CROT: variants seen among roughly 807,000 people sequenced by gnomAD.
CROT encodes the protein carnitine O-octanoyltransferase.
Under a neutral mutation model 89.2 loss-of-function variants are expected in CROT, and 84 were observed. The ratio of observed to expected loss-of-function variants is 0.94; its 90% CI spans 0.79 to 1.13. The LOEUF (loss-of-function observed/expected upper bound fraction) is 1.13. Among genes scored for constraint, CROT ranks in the 50% most tolerant of loss-of-function variants. The pLI is 0.00. For missense variants in CROT, 711 were observed against 727.8 expected, an observed-to-expected ratio of 0.98 and a Z score of 0.27; for synonymous variants, 212 against 239.5, an observed-to-expected ratio of 0.89 and a Z score of 1.06.
Position 87,375,649 on chromosome 7 carries a change from A to G in CROT, c.674A>G (p.His225Arg). 6.2e-7 allele frequency: 1 copy of G among 1,613,062 alleles called. No homozygotes were observed. Among genetic ancestry groups the G allele is most frequent in the Non-Finnish European group, 8.5e-7 (1 of 1,179,184 alleles). Residue 225 changes from histidine to arginine, a missense_variant, in exon 8 of 18, where the codon CAC (histidine) becomes CGC (arginine). His to Arg is a conservative substitution (Grantham distance 29). Coordinates refer to ENST00000331536, the MANE Select transcript of CROT (RefSeq NM_021151.4). The stretch of plus-strand genomic sequence containing the variant: ...TCCATAAGACAACTGACATATATCC[A>G]CAAGAAGTGCCATAGTGAACCTGAT... ...PELLRQLTYI[H>R]KKCHSEPDGP...
chr7:87,360,912 AAATTATCAC>A (rs1806246836), intron 4 of CROT, among the ~76,000 whole-genome samples: 1 of 152,218 alleles, frequency 6.6e-6, no homozygotes, highest in South Asian at 2.1e-4. Flanking sequence ...CGCTGAAAAG[AAATTATCAC>A]AATAACATTT....
intron 6 of CROT, among the ~76,000 whole-genome samples, chr7:87,362,169 C>T (rs910878672): frequency 1.9e-4 from 29 of 152,102 alleles, no homozygotes; most frequent in African/African-American, 6.0e-4. Context: ...GGATGCTTCT[C>T]TTTCTACCCT....
chr7:87,357,586 T>A, intron 3 of CROT: 1 of 1,168,574 alleles, frequency 8.6e-7, no homozygotes, highest in Non-Finnish European at 1.3e-6. Context: ...GGGAAGGAAT[T>A]CAAGGTGAGT....
chr7:87,352,573 A>G (rs1277520363), intron 3 of CROT, among the ~76,000 whole-genome samples: 2 of 152,178 alleles, frequency 1.3e-5, no homozygotes, highest in Non-Finnish European at 2.9e-5. Context: ...AAAATACAAC[A>G]TTTTGTTCAG....
Position 87,398,713 on chromosome 7 carries a change from T to C in CROT, c.*69T>C. 1 of 1,451,968 alleles carries C rather than the reference T, an allele frequency of 6.9e-7. No homozygotes were observed. Among genetic ancestry groups the C allele is most frequent in the Non-Finnish European group, 9.4e-7 (1 of 1,060,012 alleles). The allele number at this position is 1,451,968 out of a possible 1,614,324, so 89.9% of individuals were successfully genotyped here. ...CTGAGTGCTGGGAGTGAGTTGGTAA[T>C]ATGAGATGGGAAGGAATGTTGACTT... On this transcript the variant is annotated 3_prime_UTR_variant, in exon 18 of 18. Transcript: ENST00000331536.
Position 87,349,022 on chromosome 7 carries a change from G to A in CROT, c.-21-26G>A. The A allele has an allele frequency of 3.9e-6, 4 of 1,015,114 alleles. No individual in the cohort carries two copies. The South Asian group carries it at 5.8e-5, about 15-fold the overall frequency. 62.9% of individuals were successfully genotyped at this position (1,015,114 alleles called of 1,614,324 possible). A position where few individuals can be genotyped will look rare whatever the true frequency, so the allele number is the denominator to read the frequency against. ...TAACACTATCTATGAGATTGAAGTTGTGAGGGCTCTCTCTCTTTTCTTTAG... is the reference window on the plus strand; with the variant it reads ...TAACACTATCTATGAGATTGAAGTTATGAGGGCTCTCTCTCTTTTCTTTAG... On this transcript the variant is annotated intron_variant, in intron 2 of 17. Transcript: ENST00000331536.
chr7:87,359,357 A>G (rs1806204140), intron 4 of CROT, 27 bp downstream of exon 4: 2 of 1,568,574 alleles, frequency 1.3e-6, no homozygotes. Flanking sequence ...TTGAATAATG[A>G]TGATGTTTAA....
chr7:87,351,826 T>G (rs1385347273), intron 3 of CROT, among the ~76,000 whole-genome samples: 3 of 152,220 alleles, frequency 2.0e-5, no homozygotes, highest in Non-Finnish European at 4.4e-5. Context: ...TTTCCAAGTC[T>G]TTAATATGAC....
At chr7:87,372,659 G>A (rs1584634885) in intron 7 of CROT, among the ~76,000 whole-genome samples, 1 of 152,046 alleles carries the variant, frequency 6.6e-6, no homozygotes, top group Non-Finnish European at 1.5e-5. Context: ...CTCTATAAAT[G>A]TGCCTATTTT....
At chr7:87,390,261 G>C (rs1203317225) in intron 13 of CROT, among the ~76,000 whole-genome samples, 1 of 152,130 alleles carries the variant, frequency 6.6e-6, no homozygotes, top group African/African-American at 2.4e-5. Flanking sequence ...AAGATTAAGA[G>C]TGTGTTTACT....
Position 87,375,931 on chromosome 7 carries a change from T to C in CROT, c.854T>C (p.Val285Ala), listed in dbSNP as rs766970991. 6.2e-7 allele frequency: 1 copy of C among 1,611,264 alleles called. No homozygotes were observed. Among genetic ancestry groups the C allele is most frequent in the Non-Finnish European group, 8.5e-7 (1 of 1,178,806 alleles). Residue 285 changes from valine to alanine, a missense_variant, in exon 9 of 18, where the codon GTA becomes GCA. Val to Ala is a moderately conservative substitution (Grantham distance 64). Transcript: ENST00000331536. ...TCCATGGAGGATAGCAGTCCACATG[T>C]AACACCAGAGGATTATTCTGAGGTA... ...VYSMEDSSPH[V>A]TPEDYSEIIA...
chr7:87,365,641 T>A (rs1174358771), intron 6 of CROT, among the ~76,000 whole-genome samples: 1 of 148,186 alleles, frequency 6.7e-6, no homozygotes, highest in Non-Finnish European at 1.5e-5. Flanking sequence ...TTTTTTTTGG[T>A]CTGTCACCTA....
At chr7:87,359,094 A>C in intron 3 of CROT, 112 bp from the exon 4 acceptor site, 3 of 740,062 alleles carry the variant, frequency 4.1e-6, no homozygotes, top group East Asian at 2.6e-5. Flanking sequence ...GCTATTTAAT[A>C]CAGTACTGTG....
chr7:87,392,378 C>A (rs938933787), intron 14 of CROT, among the ~76,000 whole-genome samples, 188 bp from the exon 15 acceptor site: 10 of 152,056 alleles, frequency 6.6e-5, no homozygotes, highest in Admixed American at 5.2e-4. Flanking sequence ...AAATAAGAAG[C>A]AGGATATACA....
intron 3 of CROT, among the ~76,000 whole-genome samples, chr7:87,357,301 A>T (rs899362805): frequency 2.0e-5 from 3 of 152,116 alleles, no homozygotes; most frequent in African/African-American, 7.2e-5. Flanking sequence ...GGCTACTTTA[A>T]TTTTTATTAT....
intron 3 of CROT, among the ~76,000 whole-genome samples, chr7:87,355,830 G>C (rs138004350): frequency 6.6e-6 from 1 of 152,114 alleles, no homozygotes; most frequent in African/African-American, 2.4e-5. Flanking sequence ...ATATTGCAAA[G>C]TATATTGCAG....
chr7:87,382,367 C>G, intron 12 of CROT, 46 bp from the exon 13 acceptor site: 1 of 1,594,076 alleles, frequency 6.3e-7, no homozygotes, highest in African/African-American at 1.3e-5. Context: ...TTGGTGTATT[C>G]TCCTTAGGTG....
intron 4 of CROT, chr7:87,359,723 G>A (rs802026): frequency 0.11 from 116,119 of 1,013,456 alleles, 7,477 homozygotes; most frequent in African/African-American, 0.25. Flanking sequence ...AAATATTTTC[G>A]TAGTACAATG....
At chr7:87,355,421 T>A (rs1455868262) in intron 3 of CROT, among the ~76,000 whole-genome samples, 2 of 152,174 alleles carry the variant, frequency 1.3e-5, no homozygotes, top group Non-Finnish European at 2.9e-5. Flanking sequence ...TTTATATTCA[T>A]AACTTTCTTC....
Sources: allele counts gnomAD v4.1 joint callset (sites outside exome capture counted in the v4.1 genomes callset), GRCh38; gene constraint gnomAD v4.1.1; transcripts MANE v1.5; gene names NCBI Gene and HGNC (gene_info 2026-07-23, HGNC 2026-07-21).